CLSTN2: variants seen among roughly 807,000 people sequenced by gnomAD.
The protein encoded by CLSTN2 is calsyntenin 2.
CLSTN2 carries 48 observed loss-of-function variants against 101.2 expected under a neutral mutation model. The ratio of observed to expected loss-of-function variants is 0.47; its 90% CI spans 0.38 to 0.60. CLSTN2 has a LOEUF of 0.60. CLSTN2 is among the 20% of genes least tolerant of loss of function. The pLI is 0.00. For missense variants in CLSTN2, 1,160 were observed against 1,238.2 expected, an observed-to-expected ratio of 0.94 and a Z score of 0.95; for synonymous variants, 481 against 463.6, an observed-to-expected ratio of 1.04 and a Z score of -0.48.
intron 1 of CLSTN2, among the ~76,000 whole-genome samples, chr3:139,977,014 G>C (rs1464175932): frequency 6.6e-6 from 1 of 152,150 alleles, no homozygotes; most frequent in Admixed American, 6.6e-5. Context: ...CTGGGGCCTG[G>C]GGAGGACAAG....
chr3:140,565,989 T>C, intron 16 of CLSTN2, 64 bp from the exon 17 acceptor site: 1 of 1,601,858 alleles, frequency 6.2e-7, no homozygotes, highest in Non-Finnish European at 8.5e-7. Flanking sequence ...TGGAGAGACA[T>C]AAGCTCCAAA....
chr3:140,519,281 GC>G (rs1934980595), intron 8 of CLSTN2, among the ~76,000 whole-genome samples: 1 of 152,226 alleles, frequency 6.6e-6, no homozygotes, highest in Admixed American at 6.5e-5. Context: ...GTGCCATGTG[GC>G]AATGAGAAGA....
chr3:140,198,092 C>T (rs1200866825), intron 2 of CLSTN2, among the ~76,000 whole-genome samples: 2 of 152,178 alleles, frequency 1.3e-5, no homozygotes, highest in African/African-American at 2.4e-5. Flanking sequence ...TCAATAAATA[C>T]ATATAGACAC....
intron 2 of CLSTN2, among the ~76,000 whole-genome samples, chr3:140,310,243 C>T (rs901191588): frequency 5.9e-5 from 9 of 152,132 alleles, no homozygotes; most frequent in African/African-American, 2.2e-4. Context: ...TTAAAGACTT[C>T]AGTGAGCACC....
chr3:140,568,345 A>G lies in CLSTN2; in HGVS notation c.*2092A>G, dbSNP rs912700701. On this transcript the variant is annotated 3_prime_UTR_variant, in exon 17 of 17. Coordinates refer to ENST00000458420, the MANE Select transcript of CLSTN2 (RefSeq NM_022131.3). ...TGAAGAGGAAGAGAAGTCACAAGAG[A>G]AGAAGGATGCGGTCACAAACTTAAC... 2 of 152,216 alleles carry G rather than the reference A, an allele frequency of 1.3e-5. No individual in the cohort carries two copies. The highest frequency in any genetic ancestry group is 4.1e-4 in the South Asian group (2 of 4,828). The allele number at this position is 152,216 out of a possible 1,614,324, so 9.4% of individuals were successfully genotyped here.
chr3:140,114,246 C>CAG (rs781129013), intron 1 of CLSTN2, among the ~76,000 whole-genome samples: 1 of 152,144 alleles, frequency 6.6e-6, no homozygotes, highest in Non-Finnish European at 1.5e-5. Flanking sequence ...TCATCATTCC[C>CAG]AGAATTTGTT....
chr3:140,534,013 A>T (rs911442318), intron 9 of CLSTN2, among the ~76,000 whole-genome samples: 1 of 152,210 alleles, frequency 6.6e-6, no homozygotes, highest in Non-Finnish European at 1.5e-5. Context: ...GAGCTTGGCA[A>T]TGAGAGTATC....
At chr3:140,274,487 A>G (rs570776952) in intron 2 of CLSTN2, among the ~76,000 whole-genome samples, 14 of 152,314 alleles carry the variant, frequency 9.2e-5, no homozygotes, top group Non-Finnish European at 1.9e-4. Context: ...CAGCATCTTC[A>G]GACAGTAATA....
At chr3:140,098,224 C>G (rs1486576949) in intron 1 of CLSTN2, among the ~76,000 whole-genome samples, 1 of 152,194 alleles carries the variant, frequency 6.6e-6, no homozygotes, top group East Asian at 1.9e-4. Context: ...GTGGATACTT[C>G]TACAACCTGG....
chr3:140,389,352 T>C (rs1407133884), intron 2 of CLSTN2, among the ~76,000 whole-genome samples: 3 of 152,214 alleles, frequency 2.0e-5, no homozygotes, highest in African/African-American at 4.8e-5. Context: ...TGTGTTCTCA[T>C]TGTTCAGCTC....
intron 5 of CLSTN2, among the ~76,000 whole-genome samples, chr3:140,431,992 C>A (rs1163068369): frequency 3.3e-5 from 5 of 152,184 alleles, no homozygotes; most frequent in African/African-American, 1.2e-4. Context: ...AAAATAGACA[C>A]CATCATGCAA....
At chr3:140,113,063 T>C (rs1034787781) in intron 1 of CLSTN2, among the ~76,000 whole-genome samples, 2 of 152,156 alleles carry the variant, frequency 1.3e-5, no homozygotes, top group African/African-American at 4.8e-5. Flanking sequence ...TGGGAACCAA[T>C]TGTTAAATAC....
intron 2 of CLSTN2, among the ~76,000 whole-genome samples, chr3:140,295,543 G>A (rs1193082435): frequency 6.6e-6 from 1 of 152,110 alleles, no homozygotes; most frequent in Non-Finnish European, 1.5e-5. Flanking sequence ...TTGGTTTAAA[G>A]TGATATAAAG....
chr3:140,127,852 T>C (rs1473682729), intron 1 of CLSTN2, among the ~76,000 whole-genome samples: 1 of 152,192 alleles, frequency 6.6e-6, no homozygotes, highest in Non-Finnish European at 1.5e-5. Flanking sequence ...TTTTCTCCTA[T>C]GTTATTTATG....
intron 2 of CLSTN2, among the ~76,000 whole-genome samples, chr3:140,372,436 A>G (rs1276315338): frequency 6.6e-6 from 1 of 152,186 alleles, no homozygotes; most frequent in Non-Finnish European, 1.5e-5. Flanking sequence ...CCATCCCTGA[A>G]TGCAGATGAT....
At chr3:140,162,623 G>A (rs1470729774) in intron 1 of CLSTN2, among the ~76,000 whole-genome samples, 1 of 152,122 alleles carries the variant, frequency 6.6e-6, no homozygotes, top group African/African-American at 2.4e-5. Context: ...TTATGTATTT[G>A]GCTGGGTGGC....
At chr3:139,963,048 T>C (rs983583226) in intron 1 of CLSTN2, among the ~76,000 whole-genome samples, 1 of 152,178 alleles carries the variant, frequency 6.6e-6, no homozygotes, top group Non-Finnish European at 1.5e-5. Context: ...ATTATTTTAA[T>C]TGACTCATTG....
chr3:140,404,096 C>T (rs1212507921), intron 3 of CLSTN2, among the ~76,000 whole-genome samples: 3 of 152,224 alleles, frequency 2.0e-5, no homozygotes, highest in Non-Finnish European at 2.9e-5. Context: ...AAAGCCTTCC[C>T]TAAGCTGGCC....
chr3:140,408,977 G>A (rs921145591), intron 4 of CLSTN2, among the ~76,000 whole-genome samples: 1 of 152,158 alleles, frequency 6.6e-6, no homozygotes, highest in African/African-American at 2.4e-5. Context: ...TTTGTCCCTG[G>A]CCCCCACCAC....
Sources: gnomAD v4.1 joint callset for allele counts (sites outside exome capture counted in the v4.1 genomes callset) on GRCh38, gnomAD v4.1.1 for gene constraint, MANE v1.5 for transcripts, NCBI Gene and HGNC (gene_info 2026-07-23, HGNC 2026-07-21) for gene names.